RNF220: variants seen among roughly 807,000 people sequenced by gnomAD.
RNF220 encodes the protein E3 ubiquitin-protein ligase RNF220.
Under a neutral mutation model 67.1 loss-of-function variants are expected in RNF220, and 7 were observed. The observed-to-expected ratio is 0.10, with a 90% CI of 0.06 to 0.20. The LOEUF is 0.20. Ranked by LOEUF, RNF220 falls within the 10% of genes least tolerant of loss-of-function variation. The pLI is 1.00. For missense variants in RNF220, 565 were observed against 740.3 expected (o/e 0.76, Z 2.75); for synonymous variants, 270 against 283.2 (o/e 0.95, Z 0.47).
chr1:44,530,531 CAAAA>C (rs34069585), intron 2 of RNF220, among the ~76,000 whole-genome samples: 22,429 of 136,478 alleles, frequency 0.16, 1,965 homozygotes, highest in Middle Eastern at 0.28. Flanking sequence ...GTCAAATCTG[CAAAA>C]AAAAAAAAAA....
At chr1:44,557,137 T>C (rs1663163109) in intron 2 of RNF220, among the ~76,000 whole-genome samples, 1 of 147,226 alleles carries the variant, frequency 6.8e-6, no homozygotes, top group Non-Finnish European at 1.5e-5. Flanking sequence ...ATATATTTTA[T>C]ATACGTATGT....
chr1:44,426,097 C>G (rs1053006257), intron 2 of RNF220, among the ~76,000 whole-genome samples: 1 of 152,218 alleles, frequency 6.6e-6, no homozygotes, highest in Non-Finnish European at 1.5e-5. Context: ...TAAATCCCCA[C>G]TGAAAGAAGT....
chr1:44,645,181 T>C lies in RNF220; in HGVS notation c.1311-40T>C. On this transcript the variant is annotated intron_variant, in intron 10 of 14. Coordinates refer to ENST00000361799, the MANE Select transcript of RNF220 (RefSeq NM_018150.4). The surrounding 1 kb of genome is among the most constrained non-coding windows in gnomAD (Gnocchi z 5.0). The stretch of plus-strand genomic sequence containing the variant: ...GACCCTCAGGGCTGTCCTGCCCGCC[T>C]TCAGGCCTCACTTTGTTTTTCCTCC... The C allele has an allele frequency of 6.2e-7, 1 of 1,614,034 alleles. No homozygotes were observed. Among genetic ancestry groups the C allele is most frequent in the Non-Finnish European group, 8.5e-7 (1 of 1,179,892 alleles).
intron 2 of RNF220, among the ~76,000 whole-genome samples, chr1:44,502,880 T>G (rs1658050824): frequency 6.6e-6 from 1 of 152,126 alleles, no homozygotes; most frequent in Admixed American, 6.6e-5. Context: ...ATCCTCCTGC[T>G]TCAGCCTCTC....
intron 2 of RNF220, among the ~76,000 whole-genome samples, chr1:44,561,445 G>T (rs1253636784): frequency 6.6e-6 from 1 of 152,300 alleles, no homozygotes; most frequent in African/African-American, 2.4e-5. Flanking sequence ...GGAGGTGAAG[G>T]TTGCAGTGAG....
chr1:44,467,322 C>T (rs996641147), intron 2 of RNF220, among the ~76,000 whole-genome samples: 4 of 152,244 alleles, frequency 2.6e-5, no homozygotes, highest in Admixed American at 6.5e-5. Flanking sequence ...AGCGATTCTC[C>T]TGCCTCAGCC....
At chr1:44,442,656 C>T (rs1421836630) in intron 2 of RNF220, among the ~76,000 whole-genome samples, 1 of 151,668 alleles carries the variant, frequency 6.6e-6, no homozygotes, top group East Asian at 1.9e-4. Flanking sequence ...CTGGAGTTAC[C>T]GGCGTGCACT....
chr1:44,429,266 CA>C (rs1324046196), intron 2 of RNF220, among the ~76,000 whole-genome samples: 3 of 152,002 alleles, frequency 2.0e-5, no homozygotes, highest in Non-Finnish European at 2.9e-5. Context: ...AAAAAAATAA[CA>C]GATAAGATTT....
At chr1:44,566,726 C>A (rs993334799) in intron 2 of RNF220, among the ~76,000 whole-genome samples, 3 of 151,966 alleles carry the variant, frequency 2.0e-5, no homozygotes, top group African/African-American at 7.3e-5. Flanking sequence ...TGGAGGGCGG[C>A]TGCTAATGGA....
chr1:44,434,479 C>T (rs539482192), intron 2 of RNF220, among the ~76,000 whole-genome samples: 191 of 152,098 alleles, frequency 1.3e-3, no homozygotes, highest in Middle Eastern at 3.4e-3. Flanking sequence ...GAGGCCGAGG[C>T]GGGCGGATCA....
chr1:44,495,454 T>TA, intron 2 of RNF220, among the ~76,000 whole-genome samples: 1 of 152,324 alleles, frequency 6.6e-6, no homozygotes, highest in East Asian at 1.9e-4. Flanking sequence ...AAAAAGTAGT[T>TA]ACAATGAAAT....
rs1304784706 is a variant in RNF220 at position 44,622,784 on chromosome 1, A to G, written c.801A>G (p.Pro267=). Residue 267 remains proline (P), a synonymous_variant, in exon 4 of 15, where the codon CCA becomes CCG. Coordinates refer to ENST00000361799, the MANE Select transcript of RNF220 (RefSeq NM_018150.4). The surrounding 1 kb of genome is among the most constrained non-coding windows in gnomAD (Gnocchi z 4.3). ...AGGATGCCATGGCTCCAGGCACCCCAAAGGTAGGTGGCCAATTACATGTTT... is the reference window on the plus strand; with the variant it reads ...AGGATGCCATGGCTCCAGGCACCCCGAAGGTAGGTGGCCAATTACATGTTT... The part of the protein sequence containing the change: ...LLKDAMAPGT[P]KSLLLSASIK... 6.2e-7 allele frequency: 1 copy of G among 1,613,702 alleles called. No homozygotes were observed. The highest frequency in any genetic ancestry group is 1.3e-5 in the African/African-American group (1 of 74,936).
chr1:44,459,904 A>G (rs1357489189), intron 2 of RNF220, among the ~76,000 whole-genome samples: 3 of 152,228 alleles, frequency 2.0e-5, no homozygotes, highest in Admixed American at 6.5e-5. Context: ...AGACCGAAAC[A>G]GTCAGGAAGT....
chr1:44,526,059 T>G (rs2148173713), intron 2 of RNF220, among the ~76,000 whole-genome samples: 1 of 152,336 alleles, frequency 6.6e-6, no homozygotes, highest in South Asian at 2.1e-4. Flanking sequence ...TCAACATCTT[T>G]AAAGAATTTC....
chr1:44,435,163 A>T (rs1291872785), intron 2 of RNF220, among the ~76,000 whole-genome samples: 3 of 152,216 alleles, frequency 2.0e-5, no homozygotes, highest in Non-Finnish European at 2.9e-5. Flanking sequence ...AAAAAACACC[A>T]AAAAATCTGC....
chr1:44,461,588 G>T (rs1004832211), intron 2 of RNF220, among the ~76,000 whole-genome samples: 2 of 152,088 alleles, frequency 1.3e-5, no homozygotes, highest in Admixed American at 6.6e-5. Context: ...CTTCTGTGTA[G>T]AGTTAACTTA....
At chr1:44,480,192 C>T (rs1234491592) in intron 2 of RNF220, among the ~76,000 whole-genome samples, 9 of 152,212 alleles carry the variant, frequency 5.9e-5, no homozygotes, top group African/African-American at 1.7e-4. Flanking sequence ...TCACTTGAGT[C>T]CAGGAGTTTG....
At chr1:44,524,469 A>G (rs1323434229) in intron 2 of RNF220, among the ~76,000 whole-genome samples, 2 of 151,724 alleles carry the variant, frequency 1.3e-5, no homozygotes, top group African/African-American at 4.9e-5. Context: ...TTCCACCCAA[A>G]CCCGGTTGCT....
In RNF220 at chr1:44,594,774, T is replaced by C. The variant is rs578060179; in HGVS notation, c.626-19391T>C. On this transcript the variant is annotated intron_variant, in intron 2 of 14. Coordinates refer to ENST00000361799, the MANE Select transcript of RNF220 (RefSeq NM_018150.4). ...TTTGGGGAATTTGGATTGGATTGGA[T>C]TGAAGTTTAGGACTTGGGCTAGGAG... Among the ~76,000 whole-genome samples, 12 of 152,316 alleles carry C rather than the reference T, an allele frequency of 7.9e-5. No individual in the cohort carries two copies. In the South Asian group the frequency reaches 2.3e-3, roughly 29 times the overall value.
Sources: allele counts gnomAD v4.1 joint callset (sites outside exome capture counted in the v4.1 genomes callset), GRCh38; gene constraint gnomAD v4.1.1; non-coding constraint Gnocchi (gnomAD v3.1); transcripts MANE v1.5; gene names NCBI Gene and HGNC (gene_info 2026-07-23, HGNC 2026-07-21).